The following MTUS1 variants were observed in gnomAD, a reference collection of about 807,000 sequenced individuals.
MTUS1 encodes microtubule associated scaffold protein 1.
A neutral mutation model predicts 120.8 loss-of-function variants in MTUS1; 109 were observed. The observed-to-expected ratio is 0.90, with a 90% CI of 0.77 to 1.06. The LOEUF is 1.06. MTUS1 is among the 50% of genes least tolerant of loss of function. MTUS1 has a pLI of 0.00. For synonymous variants in MTUS1, 737 were observed against 550.5 expected, an observed-to-expected ratio of 1.34 and a Z score of -4.74; for missense variants, 2,210 against 1,486.3, an observed-to-expected ratio of 1.49 and a Z score of -8.01.
chr8:17,722,155 G>A, intron 4 of MTUS1: 1 of 1,134,470 alleles, frequency 8.8e-7, no homozygotes. Context: ...AAACCCCTTT[G>A]TTAAAAGACA....
chr8:17,755,765 G>C lies in MTUS1; in HGVS notation c.43C>G (p.Gln15Glu). 1 of 1,613,728 alleles carries C rather than the reference G, an allele frequency of 6.2e-7. No homozygotes were observed. The highest frequency in any genetic ancestry group is 8.5e-7 in the Non-Finnish European group (1 of 1,179,854). Reference protein sequence around the residue: ...NSDDKIEDELQTFFTSDKDGN... With the variant: ...NSDDKIEDELETFFTSDKDGN... ...TCTTTATCACTGGTAAAGAAGGTTT[G>C]CAATTCATCTTCTATTTTATCATCT... Residue 15 changes from glutamine to glutamate, a missense_variant, in exon 2 of 15, where the codon CAA (glutamine) becomes GAA (glutamate). Gln to Glu is a conservative substitution (Grantham distance 29). Coordinates refer to ENST00000693296, the MANE Select transcript of MTUS1 (RefSeq NM_001363059.2).
intron 6 of MTUS1, among the ~76,000 whole-genome samples, chr8:17,687,212 C>T (rs950942842): frequency 1.3e-5 from 2 of 152,178 alleles, no homozygotes; most frequent in African/African-American, 4.8e-5. Context: ...GCTGTGCAGT[C>T]ACCATCTTCC....
chr8:17,769,292 G>C (rs1427247302), intron 1 of MTUS1, among the ~76,000 whole-genome samples: 1 of 138,332 alleles, frequency 7.2e-6, no homozygotes, highest in African/African-American at 2.7e-5. Flanking sequence ...GCATGTGGAA[G>C]ACCTTACACA....
Position 17,755,185 on chromosome 8 carries a change from C to G in MTUS1, c.623G>C (p.Trp208Ser), listed in dbSNP as rs73206291. ...GSTSSLSYST[W>S]TSSHSDKTHA... ...CGTCTTATCAGAATGGGAAGATGTC[C>G]AAGTGGAATAGGATAAAGAAGATGT... Residue 208 changes from tryptophan (W) to serine (S), a missense_variant, in exon 2 of 15, where the codon TGG becomes TCG. Coordinates refer to ENST00000693296, the MANE Select transcript of MTUS1 (RefSeq NM_001363059.2). 118,243 of 1,614,018 alleles carry G rather than the reference C, an allele frequency of 0.073. 4,958 individuals carry two copies. The highest frequency in any genetic ancestry group is 0.085 in the Non-Finnish European group (99,759 of 1,179,952).
chr8:17,689,522 T>A (rs147110913), intron 6 of MTUS1, among the ~76,000 whole-genome samples: 1 of 152,200 alleles, frequency 6.6e-6, no homozygotes, highest in African/African-American at 2.4e-5. Context: ...ATTTTCCATA[T>A]AGCTGGCAGG....
chr8:17,654,966 G>A, intron 9 of MTUS1: 1 of 312,474 alleles, frequency 3.2e-6, no homozygotes. Flanking sequence ...AACGCAACTG[G>A]GATTCACCGC....
intron 1 of MTUS1, among the ~76,000 whole-genome samples, chr8:17,780,214 C>T (rs958020409): frequency 6.6e-6 from 1 of 152,138 alleles, no homozygotes; most frequent in African/African-American, 2.4e-5. Context: ...AGTGTGGTAC[C>T]TCCCCCGTCC....
intron 6 of MTUS1, among the ~76,000 whole-genome samples, chr8:17,706,559 G>C (rs1055226275): frequency 6.6e-6 from 1 of 152,194 alleles, no homozygotes; most frequent in Non-Finnish European, 1.5e-5. Flanking sequence ...AAGGTATGAT[G>C]AAGCCAGGTG....
intron 4 of MTUS1, 32 bp downstream of exon 4, chr8:17,723,640 A>C (rs769014549): frequency 6.3e-6 from 10 of 1,593,980 alleles, no homozygotes; most frequent in Admixed American, 5.0e-5. Flanking sequence ...CTGTTTCCAC[A>C]ACCCCCGAAG....
chr8:17,720,356 A>C (rs1056606233), intron 4 of MTUS1, among the ~76,000 whole-genome samples: 5 of 151,840 alleles, frequency 3.3e-5, no homozygotes, highest in Admixed American at 2.0e-4. Context: ...AAAAAAAAAA[A>C]AACAAAAAAC....
chr8:17,769,885 C>T (rs1430974630), intron 1 of MTUS1, among the ~76,000 whole-genome samples: 2 of 1,160 alleles, frequency 1.7e-3, no homozygotes, highest in African/African-American at 0.011. Flanking sequence ...TTTGCTTACA[C>T]ACACACACAC....
At chr8:17,677,054 C>A (rs117542909) in intron 7 of MTUS1, among the ~76,000 whole-genome samples, 3,981 of 152,242 alleles carry the variant, frequency 0.026, 145 homozygotes, top group South Asian at 0.15. Context: ...GAGTACCTTT[C>A]TGGCTTCAAT....
intron 8 of MTUS1, among the ~76,000 whole-genome samples, chr8:17,672,783 T>C (rs73668813): frequency 6.6e-6 from 1 of 152,190 alleles, no homozygotes; most frequent in Admixed American, 6.5e-5. Flanking sequence ...GGAGAAGCAG[T>C]GCACCAGGAC....
At chr8:17,724,405 G>A (rs552339075) in intron 3 of MTUS1, among the ~76,000 whole-genome samples, 4 of 151,792 alleles carry the variant, frequency 2.6e-5, no homozygotes, top group Non-Finnish European at 4.4e-5. Flanking sequence ...ACCCAAACAG[G>A]AAGAAAAATG....
intron 8 of MTUS1, among the ~76,000 whole-genome samples, chr8:17,673,159 T>C (rs545429802): frequency 3.6e-4 from 55 of 152,288 alleles, no homozygotes; most frequent in African/African-American, 1.3e-3. Flanking sequence ...GTTGGGTTGG[T>C]CATTTAGGTA....
intron 4 of MTUS1, among the ~76,000 whole-genome samples, chr8:17,716,777 A>C (rs1296610446): frequency 6.6e-6 from 1 of 152,050 alleles, no homozygotes. Context: ...GATGGTCTCG[A>C]TCTCCTGACC....
intron 7 of MTUS1, among the ~76,000 whole-genome samples, chr8:17,682,881 G>A (rs7460737): frequency 0.58 from 87,823 of 151,742 alleles, 25,684 homozygotes; most frequent in Middle Eastern, 0.67. Flanking sequence ...TACTATTACC[G>A]TTACTAAAAC....
intron 12 of MTUS1, chr8:17,651,529 T>TTA (rs1491361374): frequency 2.1e-5 from 2 of 94,032 alleles, no homozygotes; most frequent in Non-Finnish European, 4.3e-5. Flanking sequence ...GTACGCAGGA[T>TTA]TTTTTTTTTT....
At chr8:17,675,922 T>C (rs1250446854) in intron 7 of MTUS1, 3 of 199,246 alleles carry the variant, frequency 1.5e-5, no homozygotes, top group African/African-American at 6.9e-5. Context: ...AGTATCAACC[T>C]TGAGCTGAAG....
Sources: allele counts gnomAD v4.1 joint callset (sites outside exome capture counted in the v4.1 genomes callset), GRCh38; gene constraint gnomAD v4.1.1; transcripts MANE v1.5; gene names NCBI Gene and HGNC (gene_info 2026-07-23, HGNC 2026-07-21).